SGCD: variants seen among roughly 807,000 people sequenced by gnomAD.
SGCD encodes the protein delta-sarcoglycan.
SGCD carries 18 observed loss-of-function variants against 36.6 expected under a neutral mutation model. The ratio of observed to expected loss-of-function variants is 0.49; its 90% CI spans 0.34 to 0.73. The LOEUF is 0.73. SGCD is among the 30% of genes least tolerant of loss of function. The pLI, the probability that SGCD is intolerant of heterozygous loss-of-function variation, is 0.01. For missense variants in SGCD, 387 were observed against 346.7 expected (o/e 1.12, Z -0.92); for synonymous variants, 133 against 130.6 (o/e 1.02, Z -0.12).
intron 3 of SGCD, among the ~76,000 whole-genome samples, chr5:156,217,511 A>T (rs563753461): frequency 7.2e-5 from 11 of 152,224 alleles, no homozygotes; most frequent in Admixed American, 3.3e-4. Context: ...CAGGGGATTC[A>T]TGTGGGATAA....
chr5:156,578,629 T>C (rs763372201), intron 4 of SGCD, among the ~76,000 whole-genome samples: 32 of 152,378 alleles, frequency 2.1e-4, no homozygotes, highest in Admixed American at 1.8e-3. Context: ...AACTTCTTCC[T>C]GGCTTAGTCT....
chr5:156,402,753 C>T (rs1255862532), intron 3 of SGCD, among the ~76,000 whole-genome samples: 1 of 152,140 alleles, frequency 6.6e-6, no homozygotes, highest in African/African-American at 2.4e-5. Context: ...TGTGCATGCT[C>T]TCTGCAGGGG....
intron 4 of SGCD, among the ~76,000 whole-genome samples, chr5:156,520,418 A>T (rs1757350265): frequency 1.3e-5 from 2 of 152,238 alleles, no homozygotes; most frequent in African/African-American, 4.8e-5. Flanking sequence ...AAGAATCAAT[A>T]TTGTGAAAAG....
At chr5:156,737,600 TGTACAATATATCA>T (rs1756440425) in intron 7 of SGCD, among the ~76,000 whole-genome samples, 1 of 152,094 alleles carries the variant, frequency 6.6e-6, no homozygotes, top group Non-Finnish European at 1.5e-5. Context: ...GAGGGATTCC[TGTACAATATATCA>T]GTAAGTGGAC....
At chr5:155,831,506 C>T in the SGCD span, among the ~76,000 whole-genome samples, 4 of 152,298 alleles carry the variant, frequency 2.6e-5, no homozygotes, top group South Asian at 8.3e-4. Flanking sequence ...TTGAAGGATG[C>T]TTTCCCTTTT....
chr5:155,761,416 CCTCT>C, the SGCD span, among the ~76,000 whole-genome samples: 9 of 149,224 alleles, frequency 6.0e-5, no homozygotes, highest in South Asian at 2.2e-4. Context: ...TCTCCATCAT[CCTCT>C]CTATCACCCT....
At position 156,231,716 on chromosome 5, in the gene SGCD, A is replaced by G. The variant is rs557369845; in HGVS notation, c.-43-97818A>G. Among the ~76,000 whole-genome samples the G allele has an allele frequency of 2.6e-5, 4 of 152,324 alleles. No homozygotes were observed. The South Asian group carries it at 8.3e-4, about 32-fold the overall frequency. On this transcript the variant is annotated intron_variant, in intron 3 of 9. Coordinates refer to the SGCD transcript ENST00000517913. ...CAGGGTATTCAAACTTTAGATATAT[A>G]GAGAGCTTGTAGGGATATTGGTACC... is the stretch of plus-strand genomic sequence containing the variant.
chr5:156,519,389 A>T (rs886925944), intron 4 of SGCD, among the ~76,000 whole-genome samples: 1 of 152,002 alleles, frequency 6.6e-6, no homozygotes, highest in Non-Finnish European at 1.5e-5. Flanking sequence ...TAACAACAAC[A>T]AAAAAGAAAA....
the SGCD span, among the ~76,000 whole-genome samples, chr5:155,749,058 C>T: frequency 1.3e-5 from 2 of 152,102 alleles, no homozygotes; most frequent in African/African-American, 4.8e-5. Context: ...TGTAAGTAGA[C>T]ATCATAATGC....
chr5:156,088,242 G>A (rs1761150978), intron 1 of SGCD, among the ~76,000 whole-genome samples: 1 of 151,912 alleles, frequency 6.6e-6, no homozygotes, highest in Admixed American at 6.6e-5. Flanking sequence ...TACTTCTTGG[G>A]CCATCATTTT....
intron 6 of SGCD, among the ~76,000 whole-genome samples, chr5:156,641,389 A>G (rs1763020573): frequency 6.6e-6 from 1 of 152,340 alleles, no homozygotes; most frequent in South Asian, 2.1e-4. Flanking sequence ...ACATGAAGAT[A>G]CCTTTAGCTA....
chr5:156,577,281 C>G (rs1760001830), intron 4 of SGCD, among the ~76,000 whole-genome samples: 1 of 152,134 alleles, frequency 6.6e-6, no homozygotes, highest in African/African-American at 2.4e-5. Flanking sequence ...GTCTATATCT[C>G]TGTTTTGGTA....
At chr5:156,612,089 G>T (rs973328190) in intron 6 of SGCD, among the ~76,000 whole-genome samples, 4 of 152,004 alleles carry the variant, frequency 2.6e-5, no homozygotes, top group African/African-American at 9.7e-5. Context: ...TTGGGAGGGG[G>T]TCTGTTACTA....
intron 1 of SGCD, among the ~76,000 whole-genome samples, chr5:155,929,585 A>C (rs143654842): frequency 6.6e-6 from 1 of 151,710 alleles, no homozygotes; most frequent in Non-Finnish European, 1.5e-5. Flanking sequence ...CTCTCCCCAC[A>C]TTTTCCCCTA....
chr5:156,517,093 T>C (rs746772860), intron 4 of SGCD, among the ~76,000 whole-genome samples: 5 of 152,096 alleles, frequency 3.3e-5, no homozygotes, highest in African/African-American at 7.2e-5. Context: ...CTAAGAACCA[T>C]GATAAAACAT....
chr5:156,612,642 C>T (rs1008758411), intron 6 of SGCD, among the ~76,000 whole-genome samples: 3 of 152,236 alleles, frequency 2.0e-5, no homozygotes, highest in African/African-American at 7.2e-5. Context: ...TCAGCTGTTC[C>T]ACTGAGCCTA....
the SGCD span, among the ~76,000 whole-genome samples, chr5:155,821,921 T>A: frequency 6.6e-6 from 1 of 152,222 alleles, no homozygotes; most frequent in Non-Finnish European, 1.5e-5. Flanking sequence ...TTGTGAAGAC[T>A]ATATGATGGT....
chr5:156,217,010 G>A (rs1302393146), intron 3 of SGCD, among the ~76,000 whole-genome samples: 4 of 152,132 alleles, frequency 2.6e-5, no homozygotes, highest in South Asian at 2.1e-4. Context: ...CCTGGGAGGC[G>A]GAGGTTGCAG....
intron 1 of SGCD, among the ~76,000 whole-genome samples, chr5:156,056,199 A>G (rs13356726): frequency 0.15 from 21,225 of 145,392 alleles, 5,184 homozygotes; most frequent in African/African-American, 0.45. Flanking sequence ...CCTCCAAGCT[A>G]CCCTTATTTA....
Sources: allele counts gnomAD v4.1 joint callset (sites outside exome capture counted in the v4.1 genomes callset), GRCh38; gene constraint gnomAD v4.1.1; transcripts MANE v1.5; gene names NCBI Gene and HGNC (gene_info 2026-07-23, HGNC 2026-07-21).